The following CAST variants were observed in gnomAD, a reference collection of about 807,000 sequenced individuals.
CAST encodes calpastatin.
CAST carries 76 observed loss-of-function variants against 119.6 expected under a neutral mutation model. The observed-to-expected ratio is 0.64, with a 90% CI of 0.53 to 0.77. The LOEUF is 0.77. Among genes scored for constraint, CAST ranks in the 30% least tolerant of loss-of-function variants. The pLI is 0.00. For missense variants in CAST, 953 were observed against 946.5 expected, an observed-to-expected ratio of 1.01 and a Z score of -0.09; for synonymous variants, 319 against 331.6, an observed-to-expected ratio of 0.96 and a Z score of 0.41.
the CAST span, among the ~76,000 whole-genome samples, chr5:96,184,690 C>CT: frequency 0.012 from 1,891 of 152,204 alleles, 24 homozygotes; most frequent in Non-Finnish European, 0.02. Context: ...TGATCTTATT[C>CT]TTTTTTATGG....
intron 1 of CAST, among the ~76,000 whole-genome samples, chr5:96,555,913 G>A (rs1034959068): frequency 8.6e-5 from 13 of 151,870 alleles, no homozygotes; most frequent in Non-Finnish European, 1.9e-4. Flanking sequence ...ATCTGAGAAC[G>A]GACAGACTGC....
chr5:96,627,754 C>A (rs1747750604), intron 1 of CAST, among the ~76,000 whole-genome samples: 1 of 152,182 alleles, frequency 6.6e-6, no homozygotes, highest in African/African-American at 2.4e-5. Flanking sequence ...GGAGAGGAAC[C>A]TAGATAGGTA....
At chr5:96,074,987 G>A in the CAST span, among the ~76,000 whole-genome samples, 2 of 152,166 alleles carry the variant, frequency 1.3e-5, no homozygotes, top group African/African-American at 2.4e-5. Flanking sequence ...TTAGGCTGCA[G>A]AGCTGGCAAA....
chr5:96,459,547 A>G, the CAST span, among the ~76,000 whole-genome samples: 3 of 152,154 alleles, frequency 2.0e-5, no homozygotes, highest in African/African-American at 7.2e-5. Context: ...AAAATTAAGT[A>G]TAGTAATTAC....
the CAST span, chr5:96,215,316 T>A: frequency 6.6e-6 from 1 of 152,246 alleles, no homozygotes; most frequent in South Asian, 2.1e-4. Context: ...CTGAAAAAAT[T>A]TTTAAATATT....
the CAST span, among the ~76,000 whole-genome samples, chr5:96,363,508 C>T: frequency 9.9e-5 from 15 of 152,228 alleles, no homozygotes; most frequent in Admixed American, 3.3e-4. Flanking sequence ...TCTTTTATGT[C>T]GTTGAGCAGT....
the CAST span, among the ~76,000 whole-genome samples, chr5:96,296,175 G>A: frequency 6.6e-6 from 1 of 152,272 alleles, no homozygotes; most frequent in East Asian, 1.9e-4. Flanking sequence ...TTGGATTTCA[G>A]ATCCCACATT....
rs1159440321 is a variant in CAST at position 96,668,858 on chromosome 5, G to C, written c.75+6361G>C. 2.0e-5 allele frequency among the ~76,000 whole-genome samples: 3 copies of C among 151,956 alleles called. No individual in the cohort carries two copies. In the East Asian group the frequency reaches 5.8e-4, roughly 29 times the overall value. On this transcript the variant is annotated intron_variant, in intron 1 of 31. Transcript: ENST00000675179. ...CGTCAGGGGAGGGTGAGGCAACCCA[G>C]AGATTAGAAATTGCAGGAAGCTGCT... is the stretch of plus-strand genomic sequence containing the variant.
At chr5:96,077,157 T>C in the CAST span, among the ~76,000 whole-genome samples, 2 of 152,014 alleles carry the variant, frequency 1.3e-5, no homozygotes, top group African/African-American at 2.4e-5. Context: ...ATTTTAGAAA[T>C]GTAAATGTAT....
the CAST span, among the ~76,000 whole-genome samples, chr5:96,014,350 C>T: frequency 1.3e-5 from 2 of 151,864 alleles, no homozygotes; most frequent in South Asian, 4.1e-4. Context: ...TTCTGAAATA[C>T]CTCTTGAAGG....
At chr5:96,097,389 A>G in the CAST span, among the ~76,000 whole-genome samples, 2 of 149,370 alleles carry the variant, frequency 1.3e-5, no homozygotes, top group Non-Finnish European at 3.0e-5. Flanking sequence ...GGTTTGTTAT[A>G]TAGGTAAACT....
the CAST span, among the ~76,000 whole-genome samples, chr5:96,016,138 A>G: frequency 6.6e-6 from 1 of 152,240 alleles, no homozygotes; most frequent in Non-Finnish European, 1.5e-5. Flanking sequence ...CTAGGAGATC[A>G]GCCTGCCCTT....
At chr5:96,602,550 G>A (rs772913309) in intron 1 of CAST, among the ~76,000 whole-genome samples, 1 of 152,206 alleles carries the variant, frequency 6.6e-6, no homozygotes, top group African/African-American at 2.4e-5. Context: ...TCAGAAGTCC[G>A]AGACCAGCCT....
At chr5:96,260,028 C>CT in the CAST span, among the ~76,000 whole-genome samples, 3 of 151,816 alleles carry the variant, frequency 2.0e-5, no homozygotes, top group Admixed American at 6.6e-5. Context: ...CCATCCTTTT[C>CT]TTTTTTTTCC....
At chr5:96,000,262 C>T in the CAST span, among the ~76,000 whole-genome samples, 1 of 151,938 alleles carries the variant, frequency 6.6e-6, no homozygotes, top group African/African-American at 2.4e-5. Context: ...TTTTGATGTC[C>T]AATTTATCAA....
the CAST span, among the ~76,000 whole-genome samples, chr5:96,506,099 C>T: frequency 6.6e-6 from 1 of 152,198 alleles, no homozygotes; most frequent in Non-Finnish European, 1.5e-5. Context: ...GTCAGGGTAG[C>T]TGTGAGGATG....
the CAST span, among the ~76,000 whole-genome samples, chr5:96,457,199 T>C: frequency 6.6e-6 from 1 of 152,144 alleles, no homozygotes; most frequent in Non-Finnish European, 1.5e-5. Flanking sequence ...ATCTGACTAA[T>C]TCTTAGATCT....
intron 1 of CAST, among the ~76,000 whole-genome samples, chr5:96,585,735 C>A (rs578132337): frequency 3.3e-5 from 5 of 152,236 alleles, no homozygotes; most frequent in Non-Finnish European, 7.4e-5. Flanking sequence ...GGACCAGAAA[C>A]CATATAAAAA....
the CAST span, chr5:96,215,349 A>T: frequency 2.0e-5 from 3 of 152,142 alleles, no homozygotes; most frequent in Non-Finnish European, 2.9e-5. Context: ...AAAATAATAA[A>T]CCCATTGTAA....
Sources: allele counts gnomAD v4.1 joint callset (sites outside exome capture counted in the v4.1 genomes callset), GRCh38; gene constraint gnomAD v4.1.1; transcripts MANE v1.5; gene names NCBI Gene and HGNC (gene_info 2026-07-23, HGNC 2026-07-21).